The following ZDHHC9 variants were observed in gnomAD, a reference collection of about 807,000 sequenced individuals.
ZDHHC9 encodes the protein zDHHC palmitoyltransferase 9, also known as palmitoyltransferase ZDHHC9.
Under a neutral mutation model 26.6 loss-of-function variants are expected in ZDHHC9, and 3 were observed. The observed-to-expected ratio is 0.11, with a 90% CI of 0.05 to 0.29. ZDHHC9 has a LOEUF of 0.29. ZDHHC9 is among the 10% of genes least tolerant of loss of function. The probability of loss-of-function intolerance (pLI) is 1.00; values close to 1 mark genes in which losing one functional copy is unlikely to be tolerated. For synonymous variants in ZDHHC9, 111 were observed against 109.4 expected, an observed-to-expected ratio of 1.01 and a Z score of -0.09; for missense variants, 146 against 296.4, an observed-to-expected ratio of 0.49 and a Z score of 3.73.
Position 129,829,017 on chromosome X carries a change from G to A in ZDHHC9, c.292C>T (p.Leu98=). 8.3e-7 allele frequency: 1 copy of A among 1,211,711 alleles called. No individual in the cohort carries two copies. The highest frequency in any genetic ancestry group is 1.1e-6 in the Non-Finnish European group (1 of 895,541). ...FSDPGVIPRA[L]PDEAAFIEME... ...TCTATGAAAGCTGCTTCATCTGGTA[G>A]CGCCCGAGGAATCACTCCAGGGTCA... The change falls in exon 4 of 11, where the codon CTA becomes TTA. Residue 98 remains leucine, a synonymous_variant. Coordinates refer to ENST00000357166, the MANE Select transcript of ZDHHC9 (RefSeq NM_016032.4).
rs1437068104 is a variant in ZDHHC9 at position 129,824,564 on chromosome X, A to G, written c.329-727T>C. On this transcript the variant is annotated intron_variant, in intron 4 of 10. Coordinates refer to ENST00000357166, the MANE Select transcript of ZDHHC9 (RefSeq NM_016032.4). Reference sequence around the variant, plus strand: ...CTCAGCCTCCCAAAGTGCTGGGATTACAGGTGTGAGCCACCGTGCCCAGCC... The same window carrying G: ...CTCAGCCTCCCAAAGTGCTGGGATTGCAGGTGTGAGCCACCGTGCCCAGCC... Among the ~76,000 whole-genome samples the G allele has an allele frequency of 2.7e-5, 3 of 111,984 alleles. No homozygotes were observed. In the Admixed American group the frequency reaches 2.9e-4, roughly 11 times the overall value.
intron 10 of ZDHHC9, among the ~76,000 whole-genome samples, chrX:129,806,968 C>T (rs1003071338): frequency 1.0e-4 from 11 of 110,118 alleles, no homozygotes; most frequent in Non-Finnish European, 2.1e-4. Context: ...CACCCTTCTC[C>T]ACTTTGAACC....
chrX:129,827,021 C>T (rs900728192), intron 4 of ZDHHC9, among the ~76,000 whole-genome samples: 16 of 110,180 alleles, frequency 1.5e-4, no homozygotes, highest in African/African-American at 5.3e-4. Flanking sequence ...TGGTGAAACA[C>T]CGTCTCTACT....
At chrX:129,830,782 C>T (rs1046529675) in intron 3 of ZDHHC9, among the ~76,000 whole-genome samples, 9 of 111,633 alleles carry the variant, frequency 8.1e-5, no homozygotes, top group African/African-American at 2.9e-4. Flanking sequence ...TCTGCAGTTT[C>T]GGAACAACCC....
In ZDHHC9 at chrX:129,812,447, CAG is replaced by C. The variant is rs1927664146; in HGVS notation, c.777+269_777+270del. Among the ~76,000 whole-genome samples the C allele has an allele frequency of 1.8e-5, 2 of 112,339 alleles. 1 individual carries two copies. The highest frequency in any genetic ancestry group is 8.3e-3 in the Middle Eastern group (2 of 240). On this transcript the variant is annotated intron_variant, in intron 8 of 10. Transcript: ENST00000357166. ...TGCAACTGTCCCTCTCCATGCCAAA[CAG>C]AGGCACCAGCTAGCCTTTAAGGACC... is the stretch of plus-strand genomic sequence containing the variant.
chrX:129,817,306 G>T (rs991372797), intron 5 of ZDHHC9, among the ~76,000 whole-genome samples: 2 of 110,898 alleles, frequency 1.8e-5, no homozygotes, highest in Non-Finnish European at 3.8e-5. Context: ...GCAAAAATCC[G>T]TGGGTCGTGG....
intron 4 of ZDHHC9, 28 bp downstream of exon 4, chrX:129,828,953 C>A (rs1205174529): frequency 8.3e-7 from 1 of 1,210,784 alleles, no homozygotes; most frequent in Non-Finnish European, 1.1e-6. Context: ...CACTACACAG[C>A]AGCTTGCCAG....
chrX:129,820,770 A>C (rs1282450888), intron 5 of ZDHHC9, among the ~76,000 whole-genome samples: 2 of 111,581 alleles, frequency 1.8e-5, no homozygotes, highest in Non-Finnish European at 3.8e-5. Flanking sequence ...CTCACATCAG[A>C]CCTTTTTATT....
chrX:129,812,848 A>G (rs780495598), intron 7 of ZDHHC9, 28 bp from the exon 8 acceptor site: 2 of 1,080,277 alleles, frequency 1.9e-6, no homozygotes, highest in Admixed American at 4.4e-5. Context: ...AGTATTGAAG[A>G]ACTCAACATC....
intron 8 of ZDHHC9, 118 bp downstream of exon 8, chrX:129,812,599 AC>A: frequency 9.9e-6 from 6 of 604,261 alleles, no homozygotes; most frequent in Non-Finnish European, 1.4e-5. Context: ...CTCGCATACC[AC>A]GTTTCTGCCT....
intron 3 of ZDHHC9, among the ~76,000 whole-genome samples, chrX:129,834,264 T>G (rs1035914320): frequency 1.8e-5 from 2 of 111,659 alleles, no homozygotes; most frequent in African/African-American, 6.5e-5. Context: ...AAATTTCTGT[T>G]GTTTATAAGC....
chrX:129,835,787 GA>G (rs1190274255), intron 3 of ZDHHC9, among the ~76,000 whole-genome samples: 13 of 106,835 alleles, frequency 1.2e-4, no homozygotes, highest in African/African-American at 4.4e-4. Flanking sequence ...CCGTCTCAAA[GA>G]AAAAAAAAGA....
At chrX:129,817,417 A>T in intron 5 of ZDHHC9, among the ~76,000 whole-genome samples, 1 of 110,495 alleles carries the variant, frequency 9.1e-6, no homozygotes, top group Non-Finnish European at 1.9e-5. Flanking sequence ...ACGCCACTGC[A>T]CTCCAGCCTG....
At chrX:129,806,992 C>A (rs1035447177) in intron 10 of ZDHHC9, among the ~76,000 whole-genome samples, 6 of 104,159 alleles carry the variant, frequency 5.8e-5, no homozygotes, top group African/African-American at 2.5e-4. Flanking sequence ...AATAACTAAC[C>A]TAGATTGTTA....
chrX:129,826,316 G>A (rs1449757307), intron 4 of ZDHHC9, among the ~76,000 whole-genome samples: 1 of 110,994 alleles, frequency 9.0e-6, no homozygotes, highest in Non-Finnish European at 1.9e-5. Flanking sequence ...TCAGGCAAGG[G>A]CATCACATGA....
At chrX:129,814,920 G>GT in intron 5 of ZDHHC9, 125 bp from the exon 6 acceptor site, 4 of 711,234 alleles carry the variant, frequency 5.6e-6, no homozygotes, top group East Asian at 3.6e-5. Context: ...AAAAATATAG[G>GT]GTTTTTTTTT....
chrX:129,823,897 C>T, intron 4 of ZDHHC9, 60 bp from the exon 5 acceptor site: 2 of 1,119,841 alleles, frequency 1.8e-6, no homozygotes, highest in Non-Finnish European at 2.4e-6. Context: ...CCAAAAGTCT[C>T]ACCACCTCTC....
intron 3 of ZDHHC9, among the ~76,000 whole-genome samples, chrX:129,831,341 C>A (rs1000165067): frequency 2.7e-5 from 3 of 111,560 alleles, no homozygotes; most frequent in African/African-American, 9.8e-5. Flanking sequence ...CGCAAACTGC[C>A]CTGGATGTAT....
At chrX:129,811,300 T>A in intron 9 of ZDHHC9, 106 bp downstream of exon 9, 1 of 705,514 alleles carries the variant, frequency 1.4e-6, no homozygotes, top group East Asian at 3.2e-5. Flanking sequence ...GAAAGACCTA[T>A]TTGACACCAA....
Sources: allele counts gnomAD v4.1 joint callset (sites outside exome capture counted in the v4.1 genomes callset), GRCh38; gene constraint gnomAD v4.1.1; transcripts MANE v1.5; gene names NCBI Gene and HGNC (gene_info 2026-07-23, HGNC 2026-07-21).